The following RPS6KA2 variants were observed in gnomAD, a reference collection of about 807,000 sequenced individuals.
RPS6KA2 encodes ribosomal protein S6 kinase A2.
A neutral mutation model predicts 91.8 loss-of-function variants in RPS6KA2; 42 were observed. The ratio of observed to expected loss-of-function variants is 0.46; its 90% CI spans 0.36 to 0.59. The LOEUF (loss-of-function observed/expected upper bound fraction) is 0.59. Among genes scored for constraint, RPS6KA2 ranks in the 20% least tolerant of loss-of-function variants. The probability of loss-of-function intolerance (pLI) is 0.00; values close to 1 mark genes in which losing one functional copy is unlikely to be tolerated. For synonymous variants in RPS6KA2, 414 were observed against 393.6 expected (o/e 1.05, Z -0.61); for missense variants, 798 against 978.5 (o/e 0.82, Z 2.46).
At chr6:166,838,180 C>T (rs144336460) in intron 2 of RPS6KA2, among the ~76,000 whole-genome samples, 1 of 152,336 alleles carries the variant, frequency 6.6e-6, no homozygotes, top group Non-Finnish European at 1.5e-5. Context: ...CTAAAATTAA[C>T]AGTTGGAAAT....
chr6:166,630,651 A>C (rs1307901501), upstream of RPS6KA2, among the ~76,000 whole-genome samples: 1 of 152,206 alleles, frequency 6.6e-6, no homozygotes. Flanking sequence ...CTCCAGAGAC[A>C]GTGTCCAGCC....
In RPS6KA2 at chr6:166,560,604, T is replaced by C. The variant is rs753683927; in HGVS notation, c.100-21820A>G. Among the ~76,000 whole-genome samples the C allele has an allele frequency of 4.7e-4, 71 of 152,066 alleles. 1 individual carries two copies. Among genetic ancestry groups the C allele is most frequent in the Non-Finnish European group, 5.9e-4 (40 of 68,028 alleles). ...AGGAAAATCACAAAACACACACCCA[T>C]TGTGACGGGAAATCACAGCAGAAAA... On this transcript the variant is annotated intron_variant, in intron 1 of 20. Transcript: ENST00000265678.
At chr6:166,560,784 C>T (rs1784320298) in intron 1 of RPS6KA2, among the ~76,000 whole-genome samples, 1 of 152,186 alleles carries the variant, frequency 6.6e-6, no homozygotes, top group East Asian at 1.9e-4. Context: ...CCTGAATCTG[C>T]ACCCCTCTTA....
At chr6:166,813,189 G>A (rs2128620980) in intron 2 of RPS6KA2, among the ~76,000 whole-genome samples, 1 of 152,110 alleles carries the variant, frequency 6.6e-6, no homozygotes, top group East Asian at 1.9e-4. Flanking sequence ...TAGGTCCACA[G>A]GCCTGCATTT....
At chr6:166,491,069 C>T (rs113667865) in intron 8 of RPS6KA2, among the ~76,000 whole-genome samples, 8 of 152,316 alleles carry the variant, frequency 5.3e-5, no homozygotes, top group South Asian at 2.1e-4. Flanking sequence ...ACATCTTACA[C>T]GCGGTTTAGG....
chr6:166,728,340 C>A (rs1790410495), intron 2 of RPS6KA2, among the ~76,000 whole-genome samples: 1 of 152,208 alleles, frequency 6.6e-6, no homozygotes, highest in African/African-American at 2.4e-5. Context: ...GTGGTGTGGG[C>A]AATTCCCATG....
chr6:166,717,873 A>C (rs925643024), intron 2 of RPS6KA2, among the ~76,000 whole-genome samples: 5 of 137,032 alleles, frequency 3.6e-5, no homozygotes, highest in African/African-American at 1.4e-4. Flanking sequence ...TTTTAGACGG[A>C]GTTTTTGCTC....
intron 3 of RPS6KA2, among the ~76,000 whole-genome samples, chr6:166,523,753 G>A (rs57672678): frequency 0.22 from 33,345 of 152,134 alleles, 4,326 homozygotes; most frequent in African/African-American, 0.36. Flanking sequence ...GATCGGAGCT[G>A]AGTTTCTGAG....
upstream of RPS6KA2, among the ~76,000 whole-genome samples, chr6:166,629,144 C>T (rs1166052199): frequency 1.3e-5 from 2 of 152,210 alleles, no homozygotes; most frequent in African/African-American, 2.4e-5. Flanking sequence ...GATGGACCTC[C>T]AACTGGACAC....
intron 3 of RPS6KA2, among the ~76,000 whole-genome samples, chr6:166,521,887 G>A (rs1056527971): frequency 6.6e-6 from 1 of 152,204 alleles, no homozygotes. Context: ...ATGGTTTTAG[G>A]TGGGGCCTCC....
intron 2 of RPS6KA2, among the ~76,000 whole-genome samples, chr6:166,741,447 C>T (rs1790812784): frequency 6.6e-6 from 1 of 152,222 alleles, no homozygotes; most frequent in African/African-American, 2.4e-5. Context: ...ATTCTCTGCA[C>T]TTTCCTATAT....
Position 166,718,661 on chromosome 6 carries a change from T to C in RPS6KA2, c.123+139539A>G, listed in dbSNP as rs115459499. ...TAATGAGGACATGCACCCGAGAAAG[T>C]AGCACATACTTCAATACAGACGTAT... is the stretch of plus-strand genomic sequence containing the variant. On this transcript the variant is annotated intron_variant, in intron 2 of 21. Coordinates refer to the RPS6KA2 transcript ENST00000503859. Among the ~76,000 whole-genome samples the C allele has an allele frequency of 1.6e-3, 243 of 152,218 alleles. 1 individual carries two copies. The highest frequency in any genetic ancestry group is 5.6e-3 in the African/African-American group (234 of 41,518).
Position 166,448,879 on chromosome 6 carries a change from T to C in RPS6KA2, c.1207-30A>G, listed in dbSNP as rs1779762864. ...AGAGGGACCAAGAGAAGAAGAGTTG[T>C]CGGAACCCTCACACGAGGGGACGGT... On this transcript the variant is annotated intron_variant, in intron 13 of 20. Transcript: ENST00000265678. This position sits in a 1 kb window ranked among gnomAD's most constrained non-coding sequence, Gnocchi z 4.7. 1 of 1,612,110 alleles carries C rather than the reference T, an allele frequency of 6.2e-7. No individual in the cohort carries two copies. Among genetic ancestry groups the C allele is most frequent in the East Asian group, 2.2e-5 (1 of 44,816 alleles).
At chr6:166,680,213 T>C (rs1788750533) in intron 2 of RPS6KA2, among the ~76,000 whole-genome samples, 1 of 152,180 alleles carries the variant, frequency 6.6e-6, no homozygotes, top group Non-Finnish European at 1.5e-5. Flanking sequence ...TGTGTCTAAC[T>C]AAAGGATTGT....
intron 2 of RPS6KA2, among the ~76,000 whole-genome samples, chr6:166,740,206 G>A (rs1404700813): frequency 6.6e-6 from 1 of 152,296 alleles, no homozygotes; most frequent in African/African-American, 2.4e-5. Flanking sequence ...AGCTTCTGCT[G>A]CACCCTGAGA....
chr6:166,837,939 A>G (rs535630465), intron 2 of RPS6KA2, among the ~76,000 whole-genome samples: 12 of 152,394 alleles, frequency 7.9e-5, no homozygotes, highest in African/African-American at 2.9e-4. Flanking sequence ...GGAAATGGAA[A>G]TTAAGAAACA....
At chr6:166,631,989 C>T (rs992778024), upstream of RPS6KA2, among the ~76,000 whole-genome samples, 2 of 152,296 alleles carry the variant, frequency 1.3e-5, no homozygotes, top group African/African-American at 4.8e-5. Flanking sequence ...GCGCTCCTCT[C>T]CGCACATTTC....
rs1778361181 is a variant in RPS6KA2 at position 166,412,879 on chromosome 6, C to G, written c.2085G>C (p.Met695Ile). The G allele has an allele frequency of 6.4e-7, 1 of 1,555,046 alleles. No individual in the cohort carries two copies. The highest frequency in any genetic ancestry group is 1.4e-5 in the African/African-American group (1 of 73,496). ...RQDVHLVKGA[M>I]AATYFALNRT... ...TGTTTAGAGCAAAGTAGGTGGCGGC[C>G]ATCGCGCCCTGCAAAACAGAAGACA... The change falls in exon 21 of 21, where the codon ATG becomes ATC. Residue 695 changes from methionine to isoleucine, a missense_variant. Met to Ile is a conservative substitution (Grantham distance 10). Transcript: ENST00000265678. This position sits in a 1 kb window ranked among gnomAD's most constrained non-coding sequence, Gnocchi z 4.3.
At chr6:166,775,004 A>G (rs2072641) in intron 2 of RPS6KA2, among the ~76,000 whole-genome samples, 45,205 of 151,812 alleles carry the variant, frequency 0.3, 7,047 homozygotes, top group East Asian at 0.51. Flanking sequence ...ATTTTTACAC[A>G]GGATAATGTG....
Sources: allele counts gnomAD v4.1 joint callset (sites outside exome capture counted in the v4.1 genomes callset), GRCh38; gene constraint gnomAD v4.1.1; non-coding constraint Gnocchi (gnomAD v3.1); transcripts MANE v1.5; gene names NCBI Gene and HGNC (gene_info 2026-07-23, HGNC 2026-07-21).